ATG2B: variants seen among roughly 807,000 people sequenced by gnomAD.
ATG2B encodes the protein autophagy related 2B.
In ATG2B, 121 loss-of-function variants were observed where a neutral mutation model predicts 241.3. That is an observed-to-expected ratio of 0.50 (90% CI 0.43 to 0.58). The LOEUF (loss-of-function observed/expected upper bound fraction) is 0.58, where lower values mean the gene tolerates loss of function less well. Among genes scored for constraint, ATG2B ranks in the 20% least tolerant of loss-of-function variants. The pLI is 0.00. For synonymous variants in ATG2B, 858 were observed against 876.6 expected, an observed-to-expected ratio of 0.98 and a Z score of 0.37; for missense variants, 2,306 against 2,491.6, an observed-to-expected ratio of 0.93 and a Z score of 1.59.
chr14:96,287,065 C>T (rs144906423), intron 41 of ATG2B, among the ~76,000 whole-genome samples: 1,975 of 151,968 alleles, frequency 0.013, 53 homozygotes, highest in African/African-American at 0.045. Context: ...ACCATCCTGG[C>T]TAACACAGTG....
Position 96,313,363 on chromosome 14 carries a change from G to A in ATG2B, c.3715C>T (p.His1239Tyr). Residue 1239 changes from histidine (H) to tyrosine (Y), a missense_variant, in exon 24 of 42, where the codon CAT (histidine) becomes TAT (tyrosine). Around this residue, in one of 2 missense-constraint regions of ATG2B, gnomAD observed 1,927 missense variants for 2,011.2 expected, o/e 0.96. Transcript: ENST00000359933. ...YNPPTSFTTF[H>Y]VHLWSCALDY... ...AGTGCACAGCTCCAAAGATGAACAT[G>A]AAAAGTTGTAAATGAAGTTGGAGGA... 5.0e-6 allele frequency: 8 copies of A among 1,596,702 alleles called. No homozygotes were observed. Among genetic ancestry groups the A allele is most frequent in the Non-Finnish European group, 6.0e-6 (7 of 1,174,812 alleles).
At chr14:96,302,816 A>G (rs995390622) in intron 33 of ATG2B, among the ~76,000 whole-genome samples, 1 of 152,206 alleles carries the variant, frequency 6.6e-6, no homozygotes, top group Admixed American at 6.5e-5. Context: ...TGTACTGATC[A>G]CTAGGGACTT....
intron 6 of ATG2B, among the ~76,000 whole-genome samples, chr14:96,338,565 G>A (rs375118572): frequency 6.6e-6 from 1 of 152,230 alleles, no homozygotes. Flanking sequence ...AATAAATGAT[G>A]CTGGGAAAAC....
At chr14:96,331,284 G>T in intron 11 of ATG2B, 92 bp downstream of exon 11, 1 of 1,197,726 alleles carries the variant, frequency 8.3e-7, no homozygotes, top group Non-Finnish European at 1.2e-6. Context: ...ATGCAGATAG[G>T]CAGATACAAA....
At position 96,363,225 on chromosome 14, in the gene ATG2B, A is replaced by G. The variant is rs367582349; in HGVS notation, c.-249T>C. 2 of 466,856 alleles carry G rather than the reference A, an allele frequency of 4.3e-6. No homozygotes were observed. Among genetic ancestry groups the G allele is most frequent in the East Asian group, 4.1e-5 (1 of 24,140 alleles). 28.9% of individuals were successfully genotyped at this position (466,856 alleles called of 1,614,324 possible). On this transcript the variant is annotated 5_prime_UTR_variant, in exon 1 of 42. Transcript: ENST00000359933. The stretch of plus-strand genomic sequence containing the variant: ...CAGGGGACTTCCGAGGAGGGTCCCA[A>G]CCGGCTCGGAGAGAGTGCAAGAGAG...
intron 32 of ATG2B, among the ~76,000 whole-genome samples, chr14:96,304,280 C>T (rs372797727): frequency 2.6e-5 from 4 of 152,214 alleles, no homozygotes; most frequent in East Asian, 1.9e-4. Flanking sequence ...ACCGCTCTAG[C>T]GGTAGCCCAG....
chr14:96,331,608 C>G lies in ATG2B; in HGVS notation c.1498G>C (p.Glu500Gln). The G allele has an allele frequency of 5.6e-6, 9 of 1,613,140 alleles. No individual in the cohort carries two copies. Among genetic ancestry groups the G allele is most frequent in the Non-Finnish European group, 7.6e-6 (9 of 1,179,588 alleles). ...SLPSRSVSVD[E>Q]SRPELIFRLA... is the part of the protein sequence containing the mutation. ...CTAAAAATAAGTTCAGGCCTTGATT[C>G]ATCCACTGAAACAGATCTAGATGGG... Residue 500 changes from glutamate to glutamine, a missense_variant, in exon 11 of 42, where the codon GAA (glutamate) becomes CAA (glutamine). Coordinates refer to ENST00000359933, the MANE Select transcript of ATG2B (RefSeq NM_018036.7).
chr14:96,315,486 A>G lies in ATG2B; in HGVS notation c.3459T>C (p.Asp1153=). The G allele has an allele frequency of 1.9e-6, 3 of 1,614,194 alleles. No individual in the cohort carries two copies. Among genetic ancestry groups the G allele is most frequent in the Non-Finnish European group, 2.5e-6 (3 of 1,180,012 alleles). Residue 1153 remains aspartate (D), a synonymous_variant, in exon 22 of 42, where the codon GAT becomes GAC. Coordinates refer to ENST00000359933, the MANE Select transcript of ATG2B (RefSeq NM_018036.7). ...CATCTGAAGAAGTTTTACTGAGGCC[A>G]TCTTCTTCAGAGGAATAAATAGTAG... ...LEPTIYSSEE[D]GLSKTSSDGV...
chr14:96,335,505 A>C (rs577824909), intron 6 of ATG2B, among the ~76,000 whole-genome samples: 99 of 152,148 alleles, frequency 6.5e-4, no homozygotes, highest in African/African-American at 2.4e-3. Flanking sequence ...TATTTCCTCT[A>C]ATTCTTATTA....
At position 96,304,611 on chromosome 14, in the gene ATG2B, TG is replaced by T; in HGVS notation, c.4734-9del. 7.4e-7 allele frequency: 1 copy of T among 1,355,620 alleles called. No homozygotes were observed. The highest frequency in any genetic ancestry group is 9.8e-7 in the Non-Finnish European group (1 of 1,025,354). The allele number at this position is 1,355,620 out of a possible 1,614,324, so 84.0% of individuals were successfully genotyped here. A position where few individuals can be genotyped will look rare whatever the true frequency, so the allele number is the denominator to read the frequency against. ...GGCGAACTGTGGGGACTACTAAAAA[TG>T]AGCAAAAAAAAAAAAAACCCTTTTG... is the stretch of plus-strand genomic sequence containing the variant. On this transcript the variant is annotated splice_polypyrimidine_tract_variant and intron_variant, in intron 31 of 41. Transcript: ENST00000359933.
chr14:96,302,947 T>C lies in ATG2B; in HGVS notation c.5037+114A>G, dbSNP rs1386310703. 8.5e-6 allele frequency: 7 copies of C among 827,438 alleles called. No homozygotes were observed. The African/African-American group carries it at 1.2e-4, about 15-fold the overall frequency. The allele number at this position is 827,438 out of a possible 1,614,324, so 51.3% of individuals were successfully genotyped here. On this transcript the variant is annotated intron_variant, in intron 33 of 41. Transcript: ENST00000359933. ...ATACATTCAAAAGGGACTTTTCACA[T>C]TAAAATGAGAAAAGATATCTAGTAA...
Position 96,284,355 on chromosome 14 carries a change from C to T in ATG2B, c.*1400G>A, listed in dbSNP as rs1886280351. 1 of 152,146 alleles carries T rather than the reference C, an allele frequency of 6.6e-6. No homozygotes were observed. The highest frequency in any genetic ancestry group is 2.4e-5 in the African/African-American group (1 of 41,410). 9.4% of individuals were successfully genotyped at this position (152,146 alleles called of 1,614,324 possible). A position where few individuals can be genotyped will look rare whatever the true frequency, so the allele number is the denominator to read the frequency against. Reference sequence around the variant, plus strand: ...CTATATAACCCCATTTTTATAAATTCTAAACATTTTGATTTTTGGTTTACA... The same window carrying T: ...CTATATAACCCCATTTTTATAAATTTTAAACATTTTGATTTTTGGTTTACA... On this transcript the variant is annotated 3_prime_UTR_variant, in exon 42 of 42. Transcript: ENST00000359933.
At chr14:96,338,170 A>C (rs537728971) in intron 6 of ATG2B, among the ~76,000 whole-genome samples, 46 of 152,186 alleles carry the variant, frequency 3.0e-4, no homozygotes, top group African/African-American at 1.1e-3. Flanking sequence ...CATTGATCAG[A>C]TCTAGGAGCC....
At chr14:96,346,467 C>T (rs916331814) in intron 2 of ATG2B, among the ~76,000 whole-genome samples, 1 of 152,060 alleles carries the variant, frequency 6.6e-6, no homozygotes, top group African/African-American at 2.4e-5. Flanking sequence ...TTACTAAAGA[C>T]GATTTCCATG....
intron 6 of ATG2B, among the ~76,000 whole-genome samples, chr14:96,340,961 T>C (rs1888019622): frequency 6.7e-6 from 1 of 149,898 alleles, no homozygotes; most frequent in African/African-American, 2.5e-5. Flanking sequence ...AGATGATATA[T>C]TATATAGGTT....
intron 29 of ATG2B, 53 bp from the exon 30 acceptor site, chr14:96,306,969 A>C: frequency 2.1e-6 from 3 of 1,436,138 alleles, no homozygotes; most frequent in African/African-American, 1.4e-5. Context: ...CAACAACAAC[A>C]AGCATTTTAA....
chr14:96,318,941 TCG>T (rs2139867205), intron 18 of ATG2B, among the ~76,000 whole-genome samples: 3 of 152,330 alleles, frequency 2.0e-5, no homozygotes, highest in Non-Finnish European at 4.4e-5. Flanking sequence ...GGGACTTGTG[TCG>T]ATCATCTCTA....
intron 26 of ATG2B, 56 bp downstream of exon 26, chr14:96,312,029 ATTAT>A: frequency 7.8e-7 from 1 of 1,280,864 alleles, no homozygotes; most frequent in South Asian, 1.2e-5. Flanking sequence ...ATGCTTTAAA[ATTAT>A]TTACGCACAA....
rs1886591202 is a variant in ATG2B at position 96,295,002 on chromosome 14, GAGA to G, written c.5381_5383del (p.Phe1794del). 1.2e-6 allele frequency: 2 copies of G among 1,614,208 alleles called. No individual in the cohort carries two copies. Among genetic ancestry groups the G allele is most frequent in the East Asian group, 2.2e-5 (1 of 44,878 alleles). The stretch of plus-strand genomic sequence containing the variant: ...ATCCCTAAAAGATGCTTCTTCAGCA[GAGA>G]AGTTCTTCTCTTCCATGCCATTAAC... On this transcript the variant is annotated inframe_deletion, in exon 36 of 42. Transcript: ENST00000359933.
Sources: gnomAD v4.1 joint callset for allele counts (sites outside exome capture counted in the v4.1 genomes callset) on GRCh38, gnomAD v4.1.1 for gene constraint, gnomAD v4.1.1 regional missense constraint, MANE v1.5 for transcripts, NCBI Gene and HGNC (gene_info 2026-07-23, HGNC 2026-07-21) for gene names.